Variants in PHF14 observed in about 807,000 individuals in gnomAD.
The protein encoded by PHF14 is PHD finger protein 14.
In PHF14, 55 loss-of-function variants were observed where a neutral mutation model predicts 117.9. That is an observed-to-expected ratio of 0.47 (90% CI 0.38 to 0.58). PHF14 has a LOEUF of 0.58. Among genes scored for constraint, PHF14 ranks in the 20% least tolerant of loss-of-function variants. The pLI is 0.00. For missense variants in PHF14, 978 were observed against 1,122.2 expected (o/e 0.87, Z 1.84); for synonymous variants, 409 against 368.6 (o/e 1.11, Z -1.26).
chr7:11,128,898 C>T (rs1788009497), intron 17 of PHF14, among the ~76,000 whole-genome samples: 1 of 151,924 alleles, frequency 6.6e-6, no homozygotes, highest in Non-Finnish European at 1.5e-5. Context: ...AATCCTTAGG[C>T]CTAGATTCAA....
In PHF14 at chr7:10,974,392, G is replaced by T. The variant is rs1325628643; in HGVS notation, c.1+68G>T. 14 of 1,361,188 alleles carry T rather than the reference G, an allele frequency of 1.0e-5. No homozygotes were observed. In the East Asian group the frequency reaches 3.4e-4, roughly 33 times the overall value. The allele number at this position is 1,361,188 out of a possible 1,614,324, so 84.3% of individuals were successfully genotyped here. On this transcript the variant is annotated intron_variant, in intron 1 of 17. Transcript: ENST00000634607. ...CCATTCTAGAAGTCAGGGCCGGTGG[G>T]AGCAGGGCAGGGGTGGGAGAGTCCT...
intron 17 of PHF14, among the ~76,000 whole-genome samples, chr7:11,126,107 ATTTAG>A (rs1787921709): frequency 6.6e-6 from 1 of 152,146 alleles, no homozygotes; most frequent in African/African-American, 2.4e-5. Context: ...AGAGTTCAAA[ATTTAG>A]ATGATTAGTT....
At chr7:11,031,590 CAAA>C (rs34770071) in intron 7 of PHF14, among the ~76,000 whole-genome samples, 7 of 126,892 alleles carry the variant, frequency 5.5e-5, no homozygotes, top group Admixed American at 1.6e-4. Flanking sequence ...CCATCTCTAC[CAAA>C]AAAAAAAAAA....
At position 11,051,681 on chromosome 7, in the gene PHF14, A is replaced by G; in HGVS notation, c.2382A>G (p.Pro794=). 5 of 1,613,738 alleles carry G rather than the reference A, an allele frequency of 3.1e-6. No homozygotes were observed. Among genetic ancestry groups the G allele is most frequent in the Non-Finnish European group, 4.2e-6 (5 of 1,179,732 alleles). The change falls in exon 14 of 18, where the codon CCA becomes CCG. Residue 794 remains proline, a synonymous_variant. Transcript: ENST00000634607. The stretch of plus-strand genomic sequence containing the variant: ...CAGATATGGCCATGGAAACCCTACC[A>G]GATGGAACCAAACGATCAAGGAGGC... The part of the protein sequence containing the change: ...MEADMAMETL[P]DGTKRSRRQI...
rs768082389 is a variant in PHF14, at chr7:11,028,722, G to A, written c.1359G>A (p.Gly453=). 8 of 1,613,516 alleles carry A rather than the reference G, an allele frequency of 5.0e-6. No homozygotes were observed. The Admixed American group carries it at 1.3e-4, about 27-fold the overall frequency. ...FCEDPRFART[G]VCISCDAGMC... ...AAGACCCTCGCTTTGCTAGAACTGGGGTTTGCATTAGCTGTGATGCAGGGA... is the reference window on the plus strand; with the variant it reads ...AAGACCCTCGCTTTGCTAGAACTGGAGTTTGCATTAGCTGTGATGCAGGGA... The change falls in exon 7 of 18, where the codon GGG becomes GGA. Residue 453 remains glycine, a synonymous_variant. Transcript: ENST00000634607.
chr7:11,097,173 T>C (rs759946090), intron 16 of PHF14, among the ~76,000 whole-genome samples: 65 of 152,080 alleles, frequency 4.3e-4, no homozygotes, highest in Non-Finnish European at 9.0e-4. Flanking sequence ...GAGATGGGGT[T>C]TCACCATGTT....
At chr7:11,096,082 G>T (rs751201563) in intron 16 of PHF14, among the ~76,000 whole-genome samples, 8 of 152,074 alleles carry the variant, frequency 5.3e-5, no homozygotes, top group Non-Finnish European at 1.2e-4. Context: ...TTTAAATAAG[G>T]AATAAAGAGG....
At chr7:11,133,337 T>C (rs762540106) in intron 17 of PHF14, among the ~76,000 whole-genome samples, 2 of 151,898 alleles carry the variant, frequency 1.3e-5, no homozygotes, top group Non-Finnish European at 2.9e-5. Flanking sequence ...CAGTGTTGTA[T>C]TTGTAAAAGA....
At chr7:11,115,436 A>G (rs539665845) in intron 17 of PHF14, among the ~76,000 whole-genome samples, 1 of 152,082 alleles carries the variant, frequency 6.6e-6, no homozygotes, top group Non-Finnish European at 1.5e-5. Context: ...AGCTAGTACT[A>G]TAGAACAGGT....
At chr7:11,112,347 A>G (rs1488249325) in intron 17 of PHF14, among the ~76,000 whole-genome samples, 1 of 152,228 alleles carries the variant, frequency 6.6e-6, no homozygotes, top group Admixed American at 6.5e-5. Flanking sequence ...ACATTCTTTT[A>G]TCATTAACTA....
chr7:11,132,384 C>G (rs1480635409), intron 17 of PHF14, among the ~76,000 whole-genome samples: 2 of 149,690 alleles, frequency 1.3e-5, no homozygotes, highest in Non-Finnish European at 3.0e-5. Context: ...TTCACTTAGT[C>G]TTGTGTCCTC....
At chr7:11,150,898 T>C (rs1788683256) in intron 17 of PHF14, among the ~76,000 whole-genome samples, 1 of 152,134 alleles carries the variant, frequency 6.6e-6, no homozygotes, top group South Asian at 2.1e-4. Context: ...ATTCAGTATG[T>C]TAATAAGGTT....
At chr7:11,038,933 C>CTG (rs1321501545) in intron 11 of PHF14, 78 bp downstream of exon 11, 3 of 599,440 alleles carry the variant, frequency 5.0e-6, no homozygotes, top group Non-Finnish European at 8.7e-6. Flanking sequence ...TTTGATACAA[C>CTG]TGTCATTTGA....
intron 16 of PHF14, among the ~76,000 whole-genome samples, chr7:11,096,855 C>T (rs1434459498): frequency 6.6e-6 from 1 of 151,474 alleles, no homozygotes; most frequent in Non-Finnish European, 1.5e-5. Flanking sequence ...TTTGACTTAT[C>T]ACTATATACT....
chr7:11,103,156 C>A (rs767344177), intron 16 of PHF14: 133 of 977,902 alleles, frequency 1.4e-4, no homozygotes, highest in Non-Finnish European at 1.5e-4. Context: ...ATATGACATT[C>A]TATTTTTGAC....
In PHF14 at chr7:11,035,752, A is replaced by AAG. The variant is rs1219321852; in HGVS notation, c.1578_1579dup (p.Lys527ArgfsTer25). On this transcript the variant is annotated frameshift_variant, in exon 8 of 18. Coordinates refer to ENST00000634607, the MANE Select transcript of PHF14 (RefSeq NM_001007157.2). LOFTEE classifies it high-confidence loss of function. ...CAGTCCTATTGTAAAATGTCTTTGC[A>AAG]AGAGAGAGAGAAGCAACTATCACCA... 1.9e-6 allele frequency: 3 copies of AAG among 1,608,350 alleles called. No individual in the cohort carries two copies. The highest frequency in any genetic ancestry group is 2.5e-6 in the Non-Finnish European group (3 of 1,176,908).
At chr7:11,005,417 T>G (rs1783046485) in intron 4 of PHF14, among the ~76,000 whole-genome samples, 1 of 152,228 alleles carries the variant, frequency 6.6e-6, no homozygotes, top group Non-Finnish European at 1.5e-5. Context: ...ACTTATTACA[T>G]TGTCCAAGTT....
chr7:11,056,745 T>C (rs1391446888), intron 14 of PHF14, among the ~76,000 whole-genome samples: 1 of 149,256 alleles, frequency 6.7e-6, no homozygotes, highest in East Asian at 1.9e-4. Flanking sequence ...TTAGAAATTA[T>C]ATTTTTATTA....
intron 17 of PHF14, among the ~76,000 whole-genome samples, chr7:11,140,528 A>G (rs1371625464): frequency 6.6e-6 from 1 of 152,120 alleles, no homozygotes; most frequent in Non-Finnish European, 1.5e-5. Flanking sequence ...AATTTTGTGT[A>G]GGGTTTTTTC....
Sources: allele counts gnomAD v4.1 joint callset (sites outside exome capture counted in the v4.1 genomes callset), GRCh38; gene constraint gnomAD v4.1.1; transcripts MANE v1.5; gene names NCBI Gene and HGNC (gene_info 2026-07-23, HGNC 2026-07-21).